FOXP2: variants seen among roughly 807,000 people sequenced by gnomAD.
FOXP2 encodes the protein forkhead box P2, also known as forkhead box protein P2.
FOXP2 carries 12 observed loss-of-function variants against 115.8 expected under a neutral mutation model. The observed-to-expected ratio is 0.10, with a 90% CI of 0.07 to 0.17. The LOEUF (loss-of-function observed/expected upper bound fraction) is 0.17. Ranked by LOEUF, FOXP2 falls within the 10% of genes least tolerant of loss-of-function variation. The pLI, the probability that FOXP2 is intolerant of heterozygous loss-of-function variation, is 1.00. For synonymous variants in FOXP2, 328 were observed against 297.7 expected (o/e 1.10, Z -1.05); for missense variants, 629 against 843.5 (o/e 0.75, Z 3.15).
At chr7:114,280,706 GC>G (rs1796314104) in intron 1 of FOXP2, among the ~76,000 whole-genome samples, 1 of 151,950 alleles carries the variant, frequency 6.6e-6, no homozygotes, top group South Asian at 2.1e-4. Flanking sequence ...AAAGTCTTTG[GC>G]TATTAGAATA....
rs755456762 is a variant in FOXP2, at chr7:114,662,052, C to T, written c.1648-13C>T. 1.2e-6 allele frequency: 2 copies of T among 1,612,252 alleles called. No homozygotes were observed. Among genetic ancestry groups the T allele is most frequent in the Admixed American group, 1.7e-5 (1 of 59,876 alleles). On this transcript the variant is annotated splice_polypyrimidine_tract_variant and intron_variant, in intron 13 of 16. Coordinates refer to ENST00000350908, the MANE Select transcript of FOXP2 (RefSeq NM_014491.4). Reference sequence around the variant, plus strand: ...TATTTTTGCCATTTTTTCTTCTCTTCTGTCTGCTTTAGAATGCAGTACGTC... The same window carrying T: ...TATTTTTGCCATTTTTTCTTCTCTTTTGTCTGCTTTAGAATGCAGTACGTC...
At chr7:114,100,531 A>C (rs1413856814) in intron 1 of FOXP2, among the ~76,000 whole-genome samples, 1 of 152,114 alleles carries the variant, frequency 6.6e-6, no homozygotes, top group African/African-American at 2.4e-5. Flanking sequence ...TCTCCATTAA[A>C]TTTTTGTTTT....
intron 2 of FOXP2, among the ~76,000 whole-genome samples, chr7:114,315,231 T>G (rs1208259942): frequency 6.6e-6 from 1 of 152,190 alleles, no homozygotes; most frequent in Non-Finnish European, 1.5e-5. Flanking sequence ...TAATGTTCAT[T>G]AAACAAGAAA....
At chr7:114,431,371 G>A (rs1416394941) in intron 2 of FOXP2, among the ~76,000 whole-genome samples, 1 of 151,878 alleles carries the variant, frequency 6.6e-6, no homozygotes. Context: ...CAATTAACCT[G>A]ACTTTGTTGC....
At chr7:114,473,053 A>G (rs986419174) in intron 2 of FOXP2, among the ~76,000 whole-genome samples, 9 of 152,196 alleles carry the variant, frequency 5.9e-5, no homozygotes, top group Non-Finnish European at 1.5e-5. Flanking sequence ...CACTTTGTAG[A>G]TCAGGATATC....
chr7:114,608,538 C>T (rs1803456850), intron 3 of FOXP2, among the ~76,000 whole-genome samples: 1 of 152,090 alleles, frequency 6.6e-6, no homozygotes. Context: ...TATAACAAAA[C>T]CTAATTAAGG....
At chr7:114,335,256 T>C (rs1190353071) in intron 2 of FOXP2, among the ~76,000 whole-genome samples, 2 of 151,682 alleles carry the variant, frequency 1.3e-5, no homozygotes, top group African/African-American at 4.8e-5. Context: ...TGGGGTATAA[T>C]GCCAGTGTAT....
chr7:114,476,694 A>G (rs1028987135), intron 2 of FOXP2, among the ~76,000 whole-genome samples: 2 of 151,928 alleles, frequency 1.3e-5, no homozygotes, highest in African/African-American at 4.8e-5. Context: ...TGTTGAATCT[A>G]TAGATTGGTT....
chr7:114,298,073 G>T (rs957220931), intron 2 of FOXP2, among the ~76,000 whole-genome samples: 2 of 152,048 alleles, frequency 1.3e-5, no homozygotes. Flanking sequence ...TTGGTTTTGA[G>T]TGTGAACTTG....
In FOXP2 at chr7:114,624,057, G is replaced by A. The variant is rs539032958; in HGVS notation, c.259-4483G>A. ...TATTATTATGATAGACATTACACAT[G>A]TAACCAAGGCTTGAATTTTTACCAA... On this transcript the variant is annotated intron_variant, in intron 3 of 16. Transcript: ENST00000350908. Among the ~76,000 whole-genome samples, 4 of 151,978 alleles carry A rather than the reference G, an allele frequency of 2.6e-5. No homozygotes were observed. In the South Asian group the frequency reaches 8.3e-4, roughly 31 times the overall value.
rs551794797 is a variant in FOXP2 at position 114,300,854 on chromosome 7, C to T, written c.-11+12745C>T. ...ACTGTCTTTCATAAAATCTGAAAAGCACTCCTTTTCATTGTGAGAGATAAT... is the reference window on the plus strand; with the variant it reads ...ACTGTCTTTCATAAAATCTGAAAAGTACTCCTTTTCATTGTGAGAGATAAT... On this transcript the variant is annotated intron_variant, in intron 2 of 17. Transcript: ENST00000634411. 3.3e-5 allele frequency among the ~76,000 whole-genome samples: 5 copies of T among 151,942 alleles called. No individual in the cohort carries two copies. The East Asian group carries it at 9.6e-4, about 29-fold the overall frequency.
chr7:114,345,820 T>C (rs1263683919), intron 2 of FOXP2, among the ~76,000 whole-genome samples: 3 of 151,778 alleles, frequency 2.0e-5, no homozygotes, highest in African/African-American at 7.2e-5. Context: ...CATATGGAAG[T>C]GGGACTACTG....
intron 2 of FOXP2, among the ~76,000 whole-genome samples, chr7:114,490,585 A>T (rs988420980): frequency 2.0e-5 from 3 of 151,978 alleles, no homozygotes; most frequent in African/African-American, 4.8e-5. Flanking sequence ...TACATGTGCC[A>T]TGTTGGTGTG....
At chr7:114,326,063 T>C (rs1042707964) in intron 2 of FOXP2, among the ~76,000 whole-genome samples, 1 of 152,116 alleles carries the variant, frequency 6.6e-6, no homozygotes, top group Non-Finnish European at 1.5e-5. Flanking sequence ...TAAGAGGTGC[T>C]AACACATTGC....
chr7:114,240,030 G>A (rs1351522910), intron 1 of FOXP2, among the ~76,000 whole-genome samples: 25 of 152,084 alleles, frequency 1.6e-4, no homozygotes. Context: ...CCTAGTATGA[G>A]GAAATTTGCA....
chr7:114,524,830 C>A (rs896855474), intron 2 of FOXP2, among the ~76,000 whole-genome samples: 2 of 152,036 alleles, frequency 1.3e-5, no homozygotes, highest in Non-Finnish European at 2.9e-5. Flanking sequence ...CTAAAAGATT[C>A]TTTTGTGCAA....
In FOXP2 at chr7:114,690,573, G is replaced by C. The variant is rs1434965315; in HGVS notation, c.*647G>C. The C allele has an allele frequency of 1.1e-5, 5 of 453,914 alleles. No homozygotes were observed. The East Asian group carries it at 3.5e-4, about 32-fold the overall frequency. The allele number at this position is 453,914 out of a possible 1,614,324, so 28.1% of individuals were successfully genotyped here. On this transcript the variant is annotated 3_prime_UTR_variant, in exon 17 of 17. Coordinates refer to ENST00000350908, the MANE Select transcript of FOXP2 (RefSeq NM_014491.4). ...CTGTTGCAACCATCTAAAACCTTAG[G>C]CTTCCAGTCTGTGCTGTTAGTGTTA...
At chr7:114,511,981 G>A (rs1199415890) in intron 2 of FOXP2, among the ~76,000 whole-genome samples, 1 of 151,890 alleles carries the variant, frequency 6.6e-6, no homozygotes, top group African/African-American at 2.4e-5. Flanking sequence ...AGAATAAATT[G>A]CAATTTAAAT....
intron 3 of FOXP2, among the ~76,000 whole-genome samples, chr7:114,573,645 C>A (rs1368517770): frequency 1.3e-5 from 2 of 151,744 alleles, no homozygotes; most frequent in Non-Finnish European, 2.9e-5. Context: ...GGTTGATCAG[C>A]CTTCACACAC....
Sources: allele counts gnomAD v4.1 joint callset (sites outside exome capture counted in the v4.1 genomes callset), GRCh38; gene constraint gnomAD v4.1.1; transcripts MANE v1.5; gene names NCBI Gene and HGNC (gene_info 2026-07-23, HGNC 2026-07-21).